Variants in KIFC3 observed in about 807,000 individuals in gnomAD.
KIFC3 encodes kinesin family member C3.
KIFC3 carries 60 observed loss-of-function variants against 101.8 expected under a neutral mutation model. The observed-to-expected ratio is 0.59, with a 90% confidence interval of 0.48 to 0.73. KIFC3 has a LOEUF of 0.73. KIFC3 is among the 30% of genes least tolerant of loss of function. The pLI is 0.00. For missense variants in KIFC3, 966 were observed against 1,137.1 expected (o/e 0.85, Z 2.16); for synonymous variants, 476 against 482.7 (o/e 0.99, Z 0.18).
At chr16:57,820,963 A>G (rs1241812858) in intron 1 of KIFC3, among the ~76,000 whole-genome samples, 3 of 152,148 alleles carry the variant, frequency 2.0e-5, no homozygotes, top group East Asian at 3.9e-4. Context: ...TCTACAAAAA[A>G]AAAATGTCTA....
intron 1 of KIFC3, among the ~76,000 whole-genome samples, chr16:57,853,777 G>A (rs964770155): frequency 1.3e-5 from 2 of 152,064 alleles, no homozygotes; most frequent in East Asian, 1.9e-4. Context: ...GATTACAGGC[G>A]TGCGCCACCA....
chr16:57,843,304 A>G (rs1226264828), intron 1 of KIFC3, among the ~76,000 whole-genome samples: 9 of 152,238 alleles, frequency 5.9e-5, no homozygotes, highest in African/African-American at 2.2e-4. Flanking sequence ...ACCATGAGAC[A>G]GTCAGAATAT....
At chr16:57,787,754 G>C (rs1323603623) in intron 3 of KIFC3, among the ~76,000 whole-genome samples, 1 of 152,120 alleles carries the variant, frequency 6.6e-6, no homozygotes, top group Non-Finnish European at 1.5e-5. Context: ...CCCAACCCCT[G>C]CCACTCGCTG....
At chr16:57,766,374 C>T (rs1207926892) in intron 10 of KIFC3, among the ~76,000 whole-genome samples, 1 of 152,228 alleles carries the variant, frequency 6.6e-6, no homozygotes, top group Non-Finnish European at 1.5e-5. Flanking sequence ...TGGAAGGGGG[C>T]AGGGTTGGGG....
intron 1 of KIFC3, among the ~76,000 whole-genome samples, chr16:57,839,939 T>C (rs1355356880): frequency 6.6e-6 from 1 of 152,180 alleles, no homozygotes; most frequent in East Asian, 1.9e-4. Flanking sequence ...CTCCGCTGCC[T>C]AACAGACTCC....
chr16:57,768,069 T>C (rs184909786), intron 9 of KIFC3, among the ~76,000 whole-genome samples: 20 of 152,264 alleles, frequency 1.3e-4, no homozygotes, highest in Admixed American at 4.6e-4. Flanking sequence ...CTCATGCCGG[T>C]AATGCCAGCA....
chr16:57,796,671 A>C (rs2054346468), intron 2 of KIFC3, among the ~76,000 whole-genome samples: 1 of 152,142 alleles, frequency 6.6e-6, no homozygotes, highest in South Asian at 2.1e-4. Context: ...TGGTCATATA[A>C]TCTTCATAAT....
At chr16:57,802,716 C>T (rs1226486857), upstream of KIFC3, 7 of 798,826 alleles carry the variant, frequency 8.8e-6, no homozygotes, top group East Asian at 2.8e-5. This position sits in a 1 kb window ranked among gnomAD's most constrained non-coding sequence, Gnocchi z 5.0. Context: ...CCCCGCGTCC[C>T]GCACTCGCAC....
intron 3 of KIFC3, among the ~76,000 whole-genome samples, chr16:57,786,191 G>A (rs1434960531): frequency 6.6e-6 from 1 of 152,196 alleles, no homozygotes; most frequent in African/African-American, 2.4e-5. Context: ...AGACAGACCA[G>A]GACACAAAGC....
intron 3 of KIFC3, chr16:57,776,051 C>CT: frequency 8.1e-6 from 8 of 985,474 alleles, no homozygotes; most frequent in Non-Finnish European, 9.6e-6. Flanking sequence ...CAGCCCAGGT[C>CT]TTTGTGTTTT....
At chr16:57,816,494 G>A (rs944348340) in intron 1 of KIFC3, 16 of 457,052 alleles carry the variant, frequency 3.5e-5, no homozygotes, top group Middle Eastern at 3.2e-4. Flanking sequence ...GGGCCCTGCT[G>A]GGAAGCAGCT....
chr16:57,785,834 C>G (rs1486560752), intron 3 of KIFC3, among the ~76,000 whole-genome samples: 1 of 151,672 alleles, frequency 6.6e-6, no homozygotes, highest in African/African-American at 2.4e-5. Context: ...GCTGGGGCCT[C>G]CAGGGCCTGT....
At chr16:57,860,440 T>C (rs1273940740) in intron 1 of KIFC3, among the ~76,000 whole-genome samples, 1 of 151,882 alleles carries the variant, frequency 6.6e-6, no homozygotes, top group African/African-American at 2.4e-5. Context: ...GCAACAGGAG[T>C]GAAACTCTGT....
chr16:57,852,906 C>A (rs2056087089), intron 1 of KIFC3, among the ~76,000 whole-genome samples: 1 of 152,098 alleles, frequency 6.6e-6, no homozygotes, highest in African/African-American at 2.4e-5. Flanking sequence ...AATTTTAAAA[C>A]TTTCCTTGTA....
chr16:57,776,314 T>C, intron 3 of KIFC3: 1 of 985,488 alleles, frequency 1.0e-6, no homozygotes, highest in Non-Finnish European at 1.2e-6. Context: ...GAAGGCCTGA[T>C]CCTGGCTGTA....
intron 1 of KIFC3, among the ~76,000 whole-genome samples, chr16:57,858,274 A>G (rs922605675): frequency 1.3e-5 from 2 of 152,134 alleles, no homozygotes; most frequent in African/African-American, 2.4e-5. Context: ...CCTCATTGCA[A>G]TCCAAATGTC....
chr16:57,762,285 A>G lies in KIFC3; in HGVS notation c.1618-15T>C, dbSNP rs782266792. 2.0e-6 allele frequency: 3 copies of G among 1,530,984 alleles called. No individual in the cohort carries two copies. In the South Asian group the frequency reaches 3.6e-5, roughly 18 times the overall value. 94.8% of individuals were successfully genotyped at this position (1,530,984 alleles called of 1,614,324 possible). A position where few individuals can be genotyped will look rare whatever the true frequency, so the allele number is the denominator to read the frequency against. Reference sequence around the variant, plus strand: ...TCAGCGGTCCCCTGGGGACAGAAGGAAAGGCCCCAGTAAGCCAGGCCTGTC... The same window carrying G: ...TCAGCGGTCCCCTGGGGACAGAAGGGAAGGCCCCAGTAAGCCAGGCCTGTC... On this transcript the variant is annotated splice_polypyrimidine_tract_variant and intron_variant, in intron 12 of 19. Coordinates refer to ENST00000445690, the MANE Select transcript of KIFC3 (RefSeq NM_001130100.2).
intron 1 of KIFC3, among the ~76,000 whole-genome samples, chr16:57,812,671 A>T (rs541585664): frequency 6.6e-6 from 1 of 152,208 alleles, no homozygotes; most frequent in Non-Finnish European, 1.5e-5. Flanking sequence ...GAGAGACCCC[A>T]TGAGTCAGGG....
chr16:57,853,434 A>G (rs1469768296), intron 1 of KIFC3, among the ~76,000 whole-genome samples: 1 of 151,554 alleles, frequency 6.6e-6, no homozygotes, highest in Non-Finnish European at 1.5e-5. Context: ...AAAATAAAAT[A>G]AAATAAAATA....
Sources: gnomAD v4.1 joint callset for allele counts (sites outside exome capture counted in the v4.1 genomes callset) on GRCh38, gnomAD v4.1.1 for gene constraint, Gnocchi (gnomAD v3.1) non-coding constraint, MANE v1.5 for transcripts, NCBI Gene and HGNC (gene_info 2026-07-23, HGNC 2026-07-21) for gene names.